CLCN6: variants seen among roughly 807,000 people sequenced by gnomAD.
CLCN6 encodes H(+)/Cl(-) exchange transporter 6.
CLCN6 carries 70 observed loss-of-function variants against 109.8 expected under a neutral mutation model. The ratio of observed to expected loss-of-function variants is 0.64; its 90% CI spans 0.53 to 0.78. CLCN6 has a LOEUF of 0.78. CLCN6 is among the 30% of genes least tolerant of loss of function. The pLI is 0.00. For synonymous variants in CLCN6, 444 were observed against 447.8 expected, an observed-to-expected ratio of 0.99 and a Z score of 0.11; for missense variants, 984 against 1,142.3, an observed-to-expected ratio of 0.86 and a Z score of 2.00.
rs750297207 is a variant in CLCN6, at chr1:11,842,707, G to A, written c.*2484G>A. 3 of 152,322 alleles carry A rather than the reference G, an allele frequency of 2.0e-5. No homozygotes were observed. Among genetic ancestry groups the A allele is most frequent in the East Asian group, 3.8e-4 (2 of 5,200 alleles). 9.4% of individuals were successfully genotyped at this position (152,322 alleles called of 1,614,324 possible). On this transcript the variant is annotated 3_prime_UTR_variant, in exon 23 of 23. Coordinates refer to ENST00000346436, the MANE Select transcript of CLCN6 (RefSeq NM_001286.5). ...CAGGGAGTGGGGCCAATGGGCCCCC[G>A]GCCCTGGCTTTGGGACCTTGTGCTG... is the stretch of plus-strand genomic sequence containing the variant.
chr1:11,821,139 T>C (rs192783010), intron 5 of CLCN6, among the ~76,000 whole-genome samples: 2 of 150,504 alleles, frequency 1.3e-5, no homozygotes, highest in African/African-American at 2.4e-5. Flanking sequence ...AAAGTACATA[T>C]TGTATTTATA....
intron 22 of CLCN6, 106 bp from the exon 23 acceptor site, chr1:11,840,037 C>A: frequency 1.1e-6 from 1 of 906,098 alleles, no homozygotes; most frequent in Non-Finnish European, 1.8e-6. Flanking sequence ...GTGCACTATC[C>A]AGGCCTCCAC....
chr1:11,834,154 G>A lies in CLCN6; in HGVS notation c.1527-82G>A. ...CCCATGCATGCACATATGTGCATAG[G>A]CACAAGAGTATGAGCTGTAGGTCCT... On this transcript the variant is annotated intron_variant, in intron 15 of 22. Coordinates refer to ENST00000346436, the MANE Select transcript of CLCN6 (RefSeq NM_001286.5). This position sits in a 1 kb window ranked among gnomAD's most constrained non-coding sequence, Gnocchi z 4.5. 1 of 1,592,506 alleles carries A rather than the reference G, an allele frequency of 6.3e-7. No homozygotes were observed. The highest frequency in any genetic ancestry group is 8.6e-7 in the Non-Finnish European group (1 of 1,169,136).
chr1:11,811,747 C>T (rs1033846916), intron 2 of CLCN6, among the ~76,000 whole-genome samples: 2 of 152,144 alleles, frequency 1.3e-5, no homozygotes, highest in African/African-American at 4.8e-5. Context: ...CATTAGCAGC[C>T]ACTGCCTGTT....
intron 17 of CLCN6, among the ~76,000 whole-genome samples, 171 bp from the exon 18 acceptor site, chr1:11,835,796 C>T (rs752003337): frequency 3.9e-5 from 6 of 152,108 alleles, no homozygotes; most frequent in Non-Finnish European, 8.8e-5. Context: ...CAGCATGTGT[C>T]GGGGGATAGA....
intron 5 of CLCN6, chr1:11,820,264 G>C: frequency 1.5e-6 from 1 of 652,796 alleles, no homozygotes. Flanking sequence ...ACTGTGCCTG[G>C]GCAGCATAGC....
At position 11,806,295 on chromosome 1, in the gene CLCN6, C is replaced by T. The variant is rs1175347992; in HGVS notation, c.33C>T (p.Cys11=). 6.6e-7 allele frequency: 1 copy of T among 1,509,386 alleles called. No homozygotes were observed. Among genetic ancestry groups the T allele is most frequent in the Non-Finnish European group, 8.8e-7 (1 of 1,140,204 alleles). The allele number at this position is 1,509,386 out of a possible 1,614,324, so 93.5% of individuals were successfully genotyped here. MAGCRGSLCC[C]CRWCCCCGER... ...GGTGCAGGGGGTCTCTGTGCTGCTG[C>T]TGCAGGTGGTGCTGCTGCTGCGGTG... The change falls in exon 1 of 23, where the codon TGC becomes TGT. Residue 11 remains cysteine, a synonymous_variant. Transcript: ENST00000346436.
In CLCN6 at chr1:11,806,267, C is replaced by A; in HGVS notation, c.5C>A (p.Ala2Glu). 2 of 1,466,100 alleles carry A rather than the reference C, an allele frequency of 1.4e-6. No homozygotes were observed. The highest frequency in any genetic ancestry group is 2.8e-5 in the East Asian group (1 of 36,358). The allele number at this position is 1,466,100 out of a possible 1,614,324, so 90.8% of individuals were successfully genotyped here. A position where few individuals can be genotyped will look rare whatever the true frequency, so the allele number is the denominator to read the frequency against. ...GAGTGGCAGTAAAGGAGGAAGATGG[C>A]GGGGTGCAGGGGGTCTCTGTGCTGC... Reference protein sequence around the residue: MAGCRGSLCCCC... With the variant: MEGCRGSLCCCC... Residue 2 changes from alanine to glutamate, a missense_variant, in exon 1 of 23, where the codon GCG (alanine) becomes GAG (glutamate). Transcript: ENST00000346436.
chr1:11,838,720 T>G (rs1164320447), intron 22 of CLCN6, 60 bp downstream of exon 22: 3 of 1,611,622 alleles, frequency 1.9e-6, no homozygotes, highest in Non-Finnish European at 2.5e-6. Context: ...CCAGGTGCTG[T>G]TTGTGCACCC....
chr1:11,827,113 A>G lies in CLCN6; in HGVS notation c.732A>G (p.Ala244=), dbSNP rs1188967617. The change falls in exon 10 of 23, where the codon GCA becomes GCG. Residue 244 remains alanine (A), a synonymous_variant. Coordinates refer to ENST00000346436, the MANE Select transcript of CLCN6 (RefSeq NM_001286.5). ...GAGACAAGAGAGACTTTGTATCAGC[A>G]GGAGCGGCTGCTGGAGTTGCTGCAG... ...SDRDKRDFVS[A]GAAAGVAAAF... 1 of 1,614,000 alleles carries G rather than the reference A, an allele frequency of 6.2e-7. No homozygotes were observed. The highest frequency in any genetic ancestry group is 1.7e-5 in the Admixed American group (1 of 60,016).
At chr1:11,838,172 G>A (rs562903659) in intron 20 of CLCN6, among the ~76,000 whole-genome samples, 163 bp from the exon 21 acceptor site, 19 of 152,346 alleles carry the variant, frequency 1.2e-4, no homozygotes, top group African/African-American at 4.6e-4. Flanking sequence ...CCAAGGACTT[G>A]GTTTGACTGG....
intron 2 of CLCN6, among the ~76,000 whole-genome samples, chr1:11,811,031 C>T (rs930119525): frequency 1.3e-5 from 2 of 152,068 alleles, no homozygotes; most frequent in Admixed American, 6.6e-5. Context: ...GGCAACATGG[C>T]GAGACTCCAT....
chr1:11,826,615 C>T (rs147672448), intron 9 of CLCN6, among the ~76,000 whole-genome samples: 19 of 152,288 alleles, frequency 1.2e-4, no homozygotes, highest in Non-Finnish European at 2.5e-4. Context: ...ACTGACCTGC[C>T]GGCCTCGTAA....
Position 11,837,499 on chromosome 1 carries a change from G to A in CLCN6, c.2295G>A (p.Ser765=), listed in dbSNP as rs1161105889. 3.7e-6 allele frequency: 6 copies of A among 1,612,968 alleles called. No homozygotes were observed. Among genetic ancestry groups the A allele is most frequent in the Non-Finnish European group, 5.1e-6 (6 of 1,179,054 alleles). ...VRGVCYSESQ[S]SASQPRLSYA... The stretch of plus-strand genomic sequence containing the variant: ...GAGTTTGTTACTCTGAAAGCCAGTC[G>A]GTAAGTCTCTCCGAGGCAGAAATCA... The change falls in exon 20 of 23, where the codon TCG becomes TCA. Residue 765 remains serine (S), a splice_region_variant and synonymous_variant. Transcript: ENST00000346436.
chr1:11,808,971 T>C (rs1644561709), intron 2 of CLCN6, among the ~76,000 whole-genome samples: 2 of 151,968 alleles, frequency 1.3e-5, no homozygotes, highest in Admixed American at 1.3e-4. Context: ...AAGCGGTTCT[T>C]CTGCCCCAGC....
rs542849913 is a variant in CLCN6 at position 11,812,633 on chromosome 1, C to T, written c.148-3213C>T. Among the ~76,000 whole-genome samples the T allele has an allele frequency of 5.4e-4, 77 of 141,698 alleles. 1 individual carries two copies. The highest frequency in any genetic ancestry group is 1.8e-3 in the South Asian group (8 of 4,384). The allele number at this position is 141,698 out of a possible 152,430, so 93.0% of individuals were successfully genotyped here. On this transcript the variant is annotated intron_variant, in intron 2 of 22. Transcript: ENST00000346436. ...TCTCATTAGCAAACAAAAGATACCA[C>T]GGCTCAAAAAAAAAAAAAGACAAAG...
rs147612428 is a variant in CLCN6, at chr1:11,828,604, C to T, written c.1101C>T (p.His367=). The T allele has an allele frequency of 1.1e-5, 17 of 1,611,212 alleles. No homozygotes were observed. The African/African-American group carries it at 1.5e-4, about 14-fold the overall frequency. Residue 367 remains histidine, a synonymous_variant, in exon 12 of 23, where the codon CAC becomes CAT. Transcript: ENST00000346436. ...CAAAGTACCGTATGCGAAACGTGCA[C>T]CCGAAACCTAAGCTCGTCAGGTATC... ...RLAKYRMRNV[H]PKPKLVRVLE... is the part of the protein sequence containing the mutation.
At chr1:11,825,232 T>C (rs1292467587) in intron 8 of CLCN6, among the ~76,000 whole-genome samples, 3 of 152,186 alleles carry the variant, frequency 2.0e-5, no homozygotes, top group Non-Finnish European at 4.4e-5. Context: ...GGAGTTATTG[T>C]GGTTGGGAGT....
At chr1:11,816,507 C>T in intron 3 of CLCN6, 108 bp from the exon 4 acceptor site, 3 of 951,520 alleles carry the variant, frequency 3.2e-6, no homozygotes, top group South Asian at 1.4e-5. Flanking sequence ...CTTTACTGTG[C>T]CTGCTCTCCA....
Sources: gnomAD v4.1 joint callset for allele counts (sites outside exome capture counted in the v4.1 genomes callset) on GRCh38, gnomAD v4.1.1 for gene constraint, Gnocchi (gnomAD v3.1) non-coding constraint, MANE v1.5 for transcripts, NCBI Gene and HGNC (gene_info 2026-07-23, HGNC 2026-07-21) for gene names.